PCSK2: variants seen among roughly 807,000 people sequenced by gnomAD.
The protein encoded by PCSK2 is proprotein convertase subtilisin/kexin type 2.
In PCSK2, 14 loss-of-function variants were observed where a neutral mutation model predicts 69.7. That is an observed-to-expected ratio of 0.20 (90% CI 0.13 to 0.31). The LOEUF is 0.31. Ranked by LOEUF, PCSK2 falls within the 10% of genes least tolerant of loss-of-function variation. The probability of loss-of-function intolerance (pLI) is 1.00; values close to 1 mark genes in which losing one functional copy is unlikely to be tolerated. For missense variants in PCSK2, 544 were observed against 842.5 expected (o/e 0.65, Z 4.39); for synonymous variants, 307 against 320.7 (o/e 0.96, Z 0.46).
intron 10 of PCSK2, among the ~76,000 whole-genome samples, chr20:17,456,735 A>G (rs979840928): frequency 2.6e-5 from 4 of 152,214 alleles, no homozygotes; most frequent in African/African-American, 9.6e-5. Flanking sequence ...GAAGGCACAG[A>G]GATATTTCTT....
intron 7 of PCSK2, among the ~76,000 whole-genome samples, chr20:17,435,293 C>T (rs1383258092): frequency 6.6e-6 from 1 of 152,182 alleles, no homozygotes; most frequent in East Asian, 1.9e-4. Flanking sequence ...TCCTCAAGGA[C>T]ATGGAAGTGA....
intron 2 of PCSK2, among the ~76,000 whole-genome samples, chr20:17,320,486 G>A (rs1488590446): frequency 6.6e-6 from 1 of 152,186 alleles, no homozygotes; most frequent in Non-Finnish European, 1.5e-5. Flanking sequence ...AAGTTCCTCA[G>A]GCAGCACCAA....
At chr20:17,312,385 A>C (rs1201981766) in intron 2 of PCSK2, among the ~76,000 whole-genome samples, 1 of 152,162 alleles carries the variant, frequency 6.6e-6, no homozygotes, top group Non-Finnish European at 1.5e-5. Context: ...ACTCATTAAG[A>C]ACCATTTAAC....
chr20:17,412,724 A>G (rs1355391388), intron 6 of PCSK2, among the ~76,000 whole-genome samples: 1 of 152,210 alleles, frequency 6.6e-6, no homozygotes, highest in Non-Finnish European at 1.5e-5. Context: ...CAAGACACAT[A>G]CTTGTCAGAT....
At chr20:17,235,033 A>G (rs1568564231) in intron 1 of PCSK2, among the ~76,000 whole-genome samples, 1 of 152,190 alleles carries the variant, frequency 6.6e-6, no homozygotes, top group Non-Finnish European at 1.5e-5. Context: ...AAGTCAAGAA[A>G]TTACATCTGA....
At position 17,378,391 on chromosome 20, in the gene PCSK2, C is replaced by A. The variant is rs75947052; in HGVS notation, c.543+9114C>A. ...TAGAAGCCTAGACTTAAAAAGTAGC[C>A]CACATCATTTCCTTACCCCAAATTC... On this transcript the variant is annotated intron_variant, in intron 5 of 11. Transcript: ENST00000262545. Among the ~76,000 whole-genome samples the A allele has an allele frequency of 8.2e-4, 125 of 152,088 alleles. 1 individual carries two copies. Among genetic ancestry groups the A allele is most frequent in the East Asian group, 4.3e-3 (22 of 5,176 alleles).
intron 2 of PCSK2, among the ~76,000 whole-genome samples, chr20:17,262,719 G>A (rs1248169565): frequency 1.3e-5 from 2 of 152,124 alleles, no homozygotes; most frequent in East Asian, 3.8e-4. Context: ...ACCCCAATTT[G>A]GGGGTTCTCA....
intron 2 of PCSK2, among the ~76,000 whole-genome samples, chr20:17,274,391 C>T (rs551186320): frequency 1.3e-4 from 20 of 152,308 alleles, no homozygotes; most frequent in Middle Eastern, 3.4e-3. Flanking sequence ...TCTATTTATT[C>T]ACCCATGTGA....
chr20:17,466,493 G>C lies in PCSK2; in HGVS notation c.1430+940G>C, dbSNP rs78282079. Among the ~76,000 whole-genome samples, 1,367 of 152,156 alleles carry C rather than the reference G, an allele frequency of 9.0e-3. 8 individuals carry two copies. The highest frequency in any genetic ancestry group is 0.015 in the South Asian group (74 of 4,810). ...TGAGGTGGATTTTGCCACTTGGAGGGATTTGTGTATGGGGTTCCCTACACA... is the reference window on the plus strand; with the variant it reads ...TGAGGTGGATTTTGCCACTTGGAGGCATTTGTGTATGGGGTTCCCTACACA... On this transcript the variant is annotated intron_variant, in intron 11 of 11. Transcript: ENST00000262545.
At chr20:17,271,229 T>C (rs1344554161) in intron 2 of PCSK2, among the ~76,000 whole-genome samples, 1 of 152,012 alleles carries the variant, frequency 6.6e-6, no homozygotes, top group Non-Finnish European at 1.5e-5. Flanking sequence ...AATTCAATAG[T>C]ACCCTAAAAT....
chr20:17,347,956 GAA>G lies in PCSK2; in HGVS notation c.283-10369_283-10368del, dbSNP rs1568612508. On this transcript the variant is annotated intron_variant, in intron 2 of 11. Coordinates refer to ENST00000262545, the MANE Select transcript of PCSK2 (RefSeq NM_002594.5). Reference sequence around the variant, plus strand: ...AAAGAGAAAGAAAGAAAGAAAGAAAGAAAGAGAAAGAAAGAAAGAAAGAAAGA... The same window carrying G: ...AAAGAGAAAGAAAGAAAGAAAGAAAGAGAGAAAGAAAGAAAGAAAGAAAGA... 2.6e-5 allele frequency among the ~76,000 whole-genome samples: 2 copies of G among 77,166 alleles called. 1 individual carries two copies. Among genetic ancestry groups the G allele is most frequent in the Non-Finnish European group, 5.9e-5 (2 of 33,926 alleles). 50.6% of individuals were successfully genotyped at this position (77,166 alleles called of 152,430 possible).
At chr20:17,232,637 A>G (rs1986181922) in intron 1 of PCSK2, among the ~76,000 whole-genome samples, 1 of 152,186 alleles carries the variant, frequency 6.6e-6, no homozygotes, top group South Asian at 2.1e-4. Context: ...ATTTAATGAT[A>G]TCGTAATGTC....
intron 2 of PCSK2, among the ~76,000 whole-genome samples, chr20:17,294,447 A>G (rs1988821243): frequency 6.6e-6 from 1 of 152,040 alleles, no homozygotes; most frequent in Admixed American, 6.5e-5. Flanking sequence ...ATGCTTCTCC[A>G]GTGTTTTCCT....
chr20:17,344,806 C>T (rs766494494), intron 2 of PCSK2, among the ~76,000 whole-genome samples: 1 of 152,186 alleles, frequency 6.6e-6, no homozygotes, highest in Non-Finnish European at 1.5e-5. Flanking sequence ...CTTCTTACTT[C>T]CTTTGTCTTA....
chr20:17,291,069 G>A (rs1988679008), intron 2 of PCSK2, among the ~76,000 whole-genome samples: 1 of 151,748 alleles, frequency 6.6e-6, no homozygotes, highest in Non-Finnish European at 1.5e-5. Flanking sequence ...CCTGAGTTTA[G>A]GAGGGGACAC....
intron 1 of PCSK2, among the ~76,000 whole-genome samples, chr20:17,244,457 T>C (rs1203416279): frequency 6.6e-6 from 1 of 152,170 alleles, no homozygotes; most frequent in Non-Finnish European, 1.5e-5. Context: ...ATTTTTCTCA[T>C]CTATGTAATC....
At chr20:17,436,656 C>G in intron 7 of PCSK2, 52 bp from the exon 8 acceptor site, 1 of 1,527,880 alleles carries the variant, frequency 6.5e-7, no homozygotes, top group Non-Finnish European at 8.9e-7. Context: ...CTCCTTGTCT[C>G]CTGCGAACTG....
At chr20:17,429,581 G>C (rs1250299513) in intron 7 of PCSK2, 58 bp downstream of exon 7, 1 of 1,140,452 alleles carries the variant, frequency 8.8e-7, no homozygotes, top group Non-Finnish European at 1.3e-6. Context: ...TCTCAAGGCT[G>C]ACTGTGGCCC....
At chr20:17,449,801 A>C (rs1420341723) in intron 8 of PCSK2, among the ~76,000 whole-genome samples, 1 of 151,908 alleles carries the variant, frequency 6.6e-6, no homozygotes, top group African/African-American at 2.4e-5. Context: ...TGCTGGGATT[A>C]CAGGCGTGAG....
Sources: allele counts gnomAD v4.1 joint callset (sites outside exome capture counted in the v4.1 genomes callset), GRCh38; gene constraint gnomAD v4.1.1; transcripts MANE v1.5; gene names NCBI Gene and HGNC (gene_info 2026-07-23, HGNC 2026-07-21).